Variants in VEZT observed in about 807,000 individuals in gnomAD.
VEZT encodes the protein vezatin, adherens junctions transmembrane protein, also known as vezatin.
VEZT carries 39 observed loss-of-function variants against 79.9 expected under a neutral mutation model. The observed-to-expected ratio is 0.49, with a 90% CI of 0.38 to 0.64. VEZT has a LOEUF of 0.64. VEZT is among the 30% of genes least tolerant of loss of function. The probability of loss-of-function intolerance (pLI) is 0.00; values close to 1 mark genes in which losing one functional copy is unlikely to be tolerated. For missense variants in VEZT, 837 were observed against 893.1 expected, an observed-to-expected ratio of 0.94 and a Z score of 0.80; for synonymous variants, 325 against 327.6, an observed-to-expected ratio of 0.99 and a Z score of 0.09.
chr12:95,248,541 G>A (rs978904817), intron 1 of VEZT, among the ~76,000 whole-genome samples: 4 of 152,196 alleles, frequency 2.6e-5, no homozygotes, highest in Admixed American at 6.5e-5. Context: ...AGGAAAGGAC[G>A]TTGGGGTCAC....
intron 7 of VEZT, among the ~76,000 whole-genome samples, chr12:95,275,366 G>A (rs2067446720): frequency 6.6e-6 from 1 of 152,136 alleles, no homozygotes; most frequent in Non-Finnish European, 1.5e-5. Flanking sequence ...GCCAAAGCAG[G>A]CAGATCACCT....
intron 1 of VEZT, among the ~76,000 whole-genome samples, chr12:95,244,639 G>A (rs936401266): frequency 2.7e-5 from 4 of 149,626 alleles, no homozygotes; most frequent in African/African-American, 9.9e-5. Context: ...CCAGGCTGGT[G>A]TGCAATGGTG....
chr12:95,269,424 C>T (rs1335214996), intron 5 of VEZT, among the ~76,000 whole-genome samples: 1 of 152,116 alleles, frequency 6.6e-6, no homozygotes, highest in Non-Finnish European at 1.5e-5. Context: ...TGTTATCTTT[C>T]CACGTCCCCT....
At chr12:95,240,071 AGG>A (rs1566041492) in intron 1 of VEZT, among the ~76,000 whole-genome samples, 1 of 82,546 alleles carries the variant, frequency 1.2e-5, no homozygotes, top group Non-Finnish European at 2.9e-5. Flanking sequence ...GAAGGAAGGA[AGG>A]AAGAAAAGAA....
At position 95,300,382 on chromosome 12, in the gene VEZT, C is replaced by T. The variant is rs779073925; in HGVS notation, c.2049C>T (p.Pro683=). The T allele has an allele frequency of 3.6e-5, 58 of 1,613,740 alleles. No homozygotes were observed. Among genetic ancestry groups the T allele is most frequent in the Non-Finnish European group, 4.4e-5 (52 of 1,179,854 alleles). The change falls in exon 12 of 12, where the codon CCC becomes CCT. Residue 683 remains proline (P), a synonymous_variant. Transcript: ENST00000436874. ...ATAATTCTTCAAATGAAGTCTTCCC[C>T]CAAGGAGCAGAAGAAAGAATGTGTT... ...NKDNSSNEVF[P]QGAEERMCYQ...
chr12:95,294,762 A>G (rs774286493), intron 10 of VEZT, among the ~76,000 whole-genome samples: 2 of 152,174 alleles, frequency 1.3e-5, no homozygotes, highest in African/African-American at 4.8e-5. Flanking sequence ...ATATTGACAA[A>G]GGTTACTTTT....
At chr12:95,252,172 G>A in intron 2 of VEZT, 101 bp downstream of exon 2, 1 of 1,260,040 alleles carries the variant, frequency 7.9e-7, no homozygotes, top group South Asian at 2.1e-5. Flanking sequence ...CCTCACACTG[G>A]TAAGACTATT....
intron 7 of VEZT, 95 bp downstream of exon 7, chr12:95,274,984 T>A: frequency 6.9e-7 from 1 of 1,438,974 alleles, no homozygotes; most frequent in Admixed American, 2.3e-5. Flanking sequence ...TTTGTTCCAC[T>A]CATTGTTTGC....
At chr12:95,297,205 G>A (rs796611639) in intron 11 of VEZT, among the ~76,000 whole-genome samples, 22 of 152,292 alleles carry the variant, frequency 1.4e-4, no homozygotes, top group African/African-American at 4.8e-4. Context: ...ATCAGGGGAA[G>A]CTTAATACTT....
At chr12:95,284,307 T>G (rs2069999961) in intron 8 of VEZT, among the ~76,000 whole-genome samples, 1 of 152,230 alleles carries the variant, frequency 6.6e-6, no homozygotes, top group South Asian at 2.1e-4. Context: ...TTGTGTTTCA[T>G]ATTTTAGAAT....
At chr12:95,229,864 C>T (rs905591723) in intron 1 of VEZT, among the ~76,000 whole-genome samples, 2 of 152,020 alleles carry the variant, frequency 1.3e-5, no homozygotes, top group Non-Finnish European at 2.9e-5. Context: ...GTGAGGCAGG[C>T]GGATCGCCTG....
At chr12:95,222,388 T>C (rs2057755366) in intron 1 of VEZT, among the ~76,000 whole-genome samples, 1 of 152,212 alleles carries the variant, frequency 6.6e-6, no homozygotes, top group Admixed American at 6.5e-5. Context: ...CTGGCACCAT[T>C]TACTGAACAG....
At position 95,246,369 on chromosome 12, in the gene VEZT, C is replaced by T. The variant is rs568631793; in HGVS notation, c.37-5571C>T. Among the ~76,000 whole-genome samples the T allele has an allele frequency of 4.6e-5, 7 of 152,252 alleles. No homozygotes were observed. The South Asian group carries it at 6.2e-4, about 14-fold the overall frequency. ...AACTCCTGACCTCAAGTGATCCACC[C>T]GCCTTGGCCTCCCAAAGTGCTGGGA... On this transcript the variant is annotated intron_variant, in intron 1 of 11. Transcript: ENST00000436874.
At position 95,288,271 on chromosome 12, in the gene VEZT, A is replaced by C. The variant is rs1290543670; in HGVS notation, c.1522+414A>C. Among the ~76,000 whole-genome samples the C allele has an allele frequency of 3.9e-5, 6 of 152,166 alleles. No individual in the cohort carries two copies. In the East Asian group the frequency reaches 1.2e-3, roughly 29 times the overall value. On this transcript the variant is annotated intron_variant, in intron 9 of 11. Transcript: ENST00000436874. The stretch of plus-strand genomic sequence containing the variant: ...CTTTAGTCATTCAAAAATAATATAC[A>C]AATGATATAATTAGTGGCACTGCAT...
At chr12:95,250,058 G>A (rs1009031642) in intron 1 of VEZT, among the ~76,000 whole-genome samples, 19 of 118,080 alleles carry the variant, frequency 1.6e-4, no homozygotes, top group Non-Finnish European at 3.4e-4. Flanking sequence ...CCTAATTATA[G>A]TCTTTTTTTT....
intron 10 of VEZT, among the ~76,000 whole-genome samples, chr12:95,295,364 C>G (rs2073907614): frequency 6.6e-6 from 1 of 152,064 alleles, no homozygotes; most frequent in Non-Finnish European, 1.5e-5. Context: ...GTTTCACCAT[C>G]TTGGCCAGGC....
intron 1 of VEZT, among the ~76,000 whole-genome samples, chr12:95,240,062 AAGG>A (rs1566040915): frequency 1.4e-5 from 2 of 138,790 alleles, no homozygotes; most frequent in African/African-American, 5.7e-5. Context: ...GGAAGGAAGG[AAGG>A]AAGGAAGGAA....
intron 6 of VEZT, among the ~76,000 whole-genome samples, chr12:95,273,102 G>A (rs1427329276): frequency 6.6e-6 from 1 of 152,072 alleles, no homozygotes; most frequent in Non-Finnish European, 1.5e-5. Flanking sequence ...GAAGAGATTG[G>A]ACATAGGATA....
chr12:95,294,514 C>A, intron 10 of VEZT, 142 bp downstream of exon 10: 1 of 691,098 alleles, frequency 1.4e-6, no homozygotes, highest in East Asian at 2.9e-5. Context: ...TGCCTGCAGA[C>A]TTTTTTTTGA....
Sources: gnomAD v4.1 joint callset for allele counts (sites outside exome capture counted in the v4.1 genomes callset) on GRCh38, gnomAD v4.1.1 for gene constraint, MANE v1.5 for transcripts, NCBI Gene and HGNC (gene_info 2026-07-23, HGNC 2026-07-21) for gene names.